GALNT18: variants seen among roughly 807,000 people sequenced by gnomAD.
GALNT18 encodes GalNAc-transferase 18.
In GALNT18, 44 loss-of-function variants were observed where a neutral mutation model predicts 69.5. That is an observed-to-expected ratio of 0.63 (90% CI 0.50 to 0.81). The LOEUF is 0.81. Ranked by LOEUF, GALNT18 falls within the 40% of genes least tolerant of loss-of-function variation. The pLI, the probability that GALNT18 is intolerant of heterozygous loss-of-function variation, is 0.00. For synonymous variants in GALNT18, 364 were observed against 318.2 expected (o/e 1.14, Z -1.53); for missense variants, 715 against 810.0 (o/e 0.88, Z 1.42).
At position 11,523,495 on chromosome 11, in the gene GALNT18, G is replaced by A. The variant is rs925737471; in HGVS notation, c.236-74559C>T. On this transcript the variant is annotated intron_variant, in intron 1 of 10. Coordinates refer to ENST00000227756, the MANE Select transcript of GALNT18 (RefSeq NM_198516.3). The surrounding 1 kb of genome is among the most constrained non-coding windows in gnomAD (Gnocchi z 4.3). ...GCCACTTTGGGAGGCTGAGGCGGGT[G>A]GATCATGAGGTCAGGAGATCGAGAC... 2.0e-5 allele frequency among the ~76,000 whole-genome samples: 3 copies of A among 152,032 alleles called. No individual in the cohort carries two copies. Among genetic ancestry groups the A allele is most frequent in the Admixed American group, 2.0e-4 (3 of 15,272 alleles).
chr11:11,317,745 T>C lies in GALNT18; in HGVS notation c.1512+9341A>G, dbSNP rs1262689855. On this transcript the variant is annotated intron_variant, in intron 9 of 10. Transcript: ENST00000227756. ...GCAGAAACTCTTTAGGTTCCACTTG[T>C]CAATTTTTGTTTTTTATTGCCAGAC... is the stretch of plus-strand genomic sequence containing the variant. Among the ~76,000 whole-genome samples, 3 of 152,230 alleles carry C rather than the reference T, an allele frequency of 2.0e-5. No individual in the cohort carries two copies. In the East Asian group the frequency reaches 5.8e-4, roughly 29 times the overall value.
chr11:11,290,171 C>A (rs1849272018), intron 10 of GALNT18, among the ~76,000 whole-genome samples: 1 of 152,182 alleles, frequency 6.6e-6, no homozygotes, highest in Non-Finnish European at 1.5e-5. Flanking sequence ...ACCACCAAAG[C>A]TGAGTCCCTA....
chr11:11,498,030 A>G (rs1333473557), intron 1 of GALNT18, among the ~76,000 whole-genome samples: 1 of 151,802 alleles, frequency 6.6e-6, no homozygotes, highest in African/African-American at 2.4e-5. Flanking sequence ...GAACTAAAAA[A>G]CTGGAGAACT....
chr11:11,290,416 G>A (rs1849276210), intron 10 of GALNT18, among the ~76,000 whole-genome samples: 1 of 152,088 alleles, frequency 6.6e-6, no homozygotes, highest in Non-Finnish European at 1.5e-5. Context: ...ATGACCTGGG[G>A]TTACATATCC....
intron 10 of GALNT18, among the ~76,000 whole-genome samples, chr11:11,271,599 C>G (rs1293938636): frequency 1.6e-5 from 1 of 64,274 alleles, no homozygotes; most frequent in African/African-American, 5.0e-5. Context: ...ACAGCTCCTA[C>G]CCCAGGGGCT....
At chr11:11,472,862 C>T (rs568225581) in intron 1 of GALNT18, among the ~76,000 whole-genome samples, 1 of 152,160 alleles carries the variant, frequency 6.6e-6, no homozygotes, top group South Asian at 2.1e-4. Flanking sequence ...TGCAGTGGCT[C>T]CCACCTGTAG....
At chr11:11,512,970 A>T (rs1857193785) in intron 1 of GALNT18, among the ~76,000 whole-genome samples, 1 of 152,208 alleles carries the variant, frequency 6.6e-6, no homozygotes, top group African/African-American at 2.4e-5. Flanking sequence ...TTACACATAC[A>T]GGCATGAAAA....
rs543997918 is a variant in GALNT18, at chr11:11,438,104, C to T, written c.429-5317G>A. On this transcript the variant is annotated intron_variant, in intron 2 of 10. Coordinates refer to ENST00000227756, the MANE Select transcript of GALNT18 (RefSeq NM_198516.3). ...GGATCGGCACTGTCTTCTTGGCCCT[C>T]AAGGCCACCATGGCCTCACTCCAGC... Among the ~76,000 whole-genome samples the T allele has an allele frequency of 1.6e-4, 24 of 152,322 alleles. No individual in the cohort carries two copies. The South Asian group carries it at 5.0e-3, about 32-fold the overall frequency.
rs984012937 is a variant in GALNT18 at position 11,459,495 on chromosome 11, G to A, written c.236-10559C>T. On this transcript the variant is annotated intron_variant, in intron 1 of 10. Transcript: ENST00000227756. This position sits in a 1 kb window ranked among gnomAD's most constrained non-coding sequence, Gnocchi z 5.0. ...GGGTGCCTCAGCCCAAAGTAGGGTGGGGTCTGCCATCCAAGAGATGTCCCA... is the reference window on the plus strand; with the variant it reads ...GGGTGCCTCAGCCCAAAGTAGGGTGAGGTCTGCCATCCAAGAGATGTCCCA... 2.0e-5 allele frequency among the ~76,000 whole-genome samples: 3 copies of A among 152,130 alleles called. No homozygotes were observed. The highest frequency in any genetic ancestry group is 4.4e-5 in the Non-Finnish European group (3 of 68,030).
At chr11:11,482,585 C>T (rs1048360296) in intron 1 of GALNT18, among the ~76,000 whole-genome samples, 1 of 152,206 alleles carries the variant, frequency 6.6e-6, no homozygotes, top group Admixed American at 6.5e-5. Context: ...GTCACACCAG[C>T]TTGGATTCCC....
At chr11:11,369,816 A>C (rs1174688985) in intron 6 of GALNT18, among the ~76,000 whole-genome samples, 2 of 152,192 alleles carry the variant, frequency 1.3e-5, no homozygotes, top group Non-Finnish European at 2.9e-5. Context: ...ATCAGAAAAA[A>C]AAAAGAGCAT....
chr11:11,294,080 G>A (rs1415179072), intron 9 of GALNT18, among the ~76,000 whole-genome samples: 1 of 152,170 alleles, frequency 6.6e-6, no homozygotes, highest in African/African-American at 2.4e-5. Flanking sequence ...ATAGGACTCA[G>A]CACATAGCTG....
intron 1 of GALNT18, among the ~76,000 whole-genome samples, chr11:11,501,297 C>T (rs1856967758): frequency 6.6e-6 from 1 of 152,154 alleles, no homozygotes; most frequent in African/African-American, 2.4e-5. Flanking sequence ...AACTCTGTAA[C>T]TATTTAACCA....
intron 6 of GALNT18, among the ~76,000 whole-genome samples, chr11:11,351,761 CTT>C (rs58753775): frequency 0.77 from 114,049 of 148,964 alleles, 44,847 homozygotes; most frequent in Non-Finnish European, 0.88. Context: ...GAGCAATTTT[CTT>C]TTTTTTTTTT....
intron 3 of GALNT18, among the ~76,000 whole-genome samples, chr11:11,408,813 G>A (rs1168637087): frequency 6.6e-6 from 1 of 152,172 alleles, no homozygotes; most frequent in African/African-American, 2.4e-5. Flanking sequence ...GACACAGGAT[G>A]AGTATATATG....
At chr11:11,504,172 G>A (rs994656682) in intron 1 of GALNT18, among the ~76,000 whole-genome samples, 5 of 152,190 alleles carry the variant, frequency 3.3e-5, no homozygotes, top group African/African-American at 1.2e-4. Context: ...CATAGTAAGT[G>A]CTCAGTAAGT....
In GALNT18 at chr11:11,365,237, AC is replaced by A. The variant is rs56354141; in HGVS notation, c.1092+7277del. ...GTTCAACTTCCACTTATGGGTGAGA[AC>A]ATGTGGTGTTTGGTTTTCTGTTCCT... On this transcript the variant is annotated intron_variant, in intron 6 of 10. Coordinates refer to ENST00000227756, the MANE Select transcript of GALNT18 (RefSeq NM_198516.3). Among the ~76,000 whole-genome samples the A allele has an allele frequency of 4.1e-3, 631 of 152,142 alleles. 3 individuals carry two copies. The highest frequency in any genetic ancestry group is 7.7e-3 in the Non-Finnish European group (523 of 67,994).
At chr11:11,328,351 G>A (rs1376961522) in intron 8 of GALNT18, among the ~76,000 whole-genome samples, 5 of 152,094 alleles carry the variant, frequency 3.3e-5, no homozygotes, top group Admixed American at 1.3e-4. Context: ...CTAGAACAGG[G>A]GACTGGAGAT....
chr11:11,286,943 T>C (rs1315147721), intron 10 of GALNT18, among the ~76,000 whole-genome samples: 1 of 152,178 alleles, frequency 6.6e-6, no homozygotes, highest in Admixed American at 6.5e-5. Flanking sequence ...TCAGGGTCCA[T>C]AAGCCCTTAA....
Sources: gnomAD v4.1 joint callset for allele counts (sites outside exome capture counted in the v4.1 genomes callset) on GRCh38, gnomAD v4.1.1 for gene constraint, Gnocchi (gnomAD v3.1) non-coding constraint, MANE v1.5 for transcripts, NCBI Gene and HGNC (gene_info 2026-07-23, HGNC 2026-07-21) for gene names.